The following TTC39B variants were observed in gnomAD, a reference collection of about 807,000 sequenced individuals.
TTC39B encodes tetratricopeptide repeat domain 39B.
In TTC39B, 92 loss-of-function variants were observed where a neutral mutation model predicts 96.6. That is an observed-to-expected ratio of 0.95 (90% CI 0.80 to 1.13). The LOEUF (loss-of-function observed/expected upper bound fraction) is 1.13, where lower values mean the gene tolerates loss of function less well. Among genes scored for constraint, TTC39B ranks in the 50% most tolerant of loss-of-function variants. The probability of loss-of-function intolerance (pLI) is 0.00; values close to 1 mark genes in which losing one functional copy is unlikely to be tolerated. For synonymous variants in TTC39B, 367 were observed against 299.4 expected (o/e 1.23, Z -2.33); for missense variants, 955 against 809.3 (o/e 1.18, Z -2.18).
In TTC39B at chr9:15,203,905, T is replaced by A. The variant is rs1564342735; in HGVS notation, c.692-15A>T. ...ATGCATTTCCTCTACAAAAAACAAA[T>A]AAAATTATATTAAGTAAAATCACAC... On this transcript the variant is annotated splice_polypyrimidine_tract_variant and intron_variant, in intron 6 of 19. Coordinates refer to ENST00000512701, the Ensembl canonical transcript of TTC39B. 1.2e-6 allele frequency: 2 copies of A among 1,605,736 alleles called. No homozygotes were observed. The highest frequency in any genetic ancestry group is 1.7e-6 in the Non-Finnish European group (2 of 1,175,264).
chr9:15,202,309 T>C (rs551721575), intron 7 of TTC39B, among the ~76,000 whole-genome samples: 2 of 152,328 alleles, frequency 1.3e-5, no homozygotes, highest in South Asian at 4.1e-4. Flanking sequence ...TTGTAATGTC[T>C]GGGTTTTAGG....
At chr9:15,166,654 G>A (rs1019601115) in exon 20 of TTC39B, 1 of 152,038 alleles carries the variant, frequency 6.6e-6, no homozygotes, top group African/African-American at 2.4e-5. Context: ...AACAGCAAAT[G>A]TGTAAAAGAC....
At chr9:15,188,229 A>G (rs541312384) in intron 13 of TTC39B, 97 bp from the exon 14 acceptor site, 298 of 1,253,374 alleles carry the variant, frequency 2.4e-4, no homozygotes, top group Non-Finnish European at 3.0e-4. Flanking sequence ...CAAAAAGGAC[A>G]AAATTATCAC....
chr9:15,254,472 C>T (rs1822675516), intron 2 of TTC39B, among the ~76,000 whole-genome samples: 1 of 152,036 alleles, frequency 6.6e-6, no homozygotes, highest in Non-Finnish European at 1.5e-5. Flanking sequence ...TTGCTTTACG[C>T]TTTGCAGTTT....
intron 1 of TTC39B, among the ~76,000 whole-genome samples, chr9:15,282,538 G>A (rs927460011): frequency 5.3e-5 from 8 of 152,150 alleles, no homozygotes; most frequent in Non-Finnish European, 1.2e-4. Context: ...GTCTTTAAAA[G>A]AATTTGGGAA....
chr9:15,193,776 G>A lies in TTC39B; in HGVS notation c.825-1081C>T, dbSNP rs1818994375. The stretch of plus-strand genomic sequence containing the variant: ...ATGATATCATTTCTAAGGTATTTTT[G>A]CCATAGAGTCATAATCTGAATTTAA... On this transcript the variant is annotated intron_variant, in intron 8 of 19. Coordinates refer to ENST00000512701, the Ensembl canonical transcript of TTC39B. 5.9e-5 allele frequency among the ~76,000 whole-genome samples: 9 copies of A among 152,262 alleles called. No individual in the cohort carries two copies. The South Asian group carries it at 1.9e-3, about 32-fold the overall frequency.
intron 3 of TTC39B, among the ~76,000 whole-genome samples, chr9:15,215,902 T>C (rs1820489572): frequency 1.3e-5 from 2 of 152,272 alleles, no homozygotes; most frequent in South Asian, 4.1e-4. Context: ...GAAATAAAAA[T>C]AAATAAACTT....
At chr9:15,288,156 A>G (rs1450550168) in intron 1 of TTC39B, among the ~76,000 whole-genome samples, 1 of 152,104 alleles carries the variant, frequency 6.6e-6, no homozygotes, top group Non-Finnish European at 1.5e-5. Context: ...GTTTTCTATC[A>G]AAGTTGTGAG....
chr9:15,214,338 G>C (rs915296782), intron 3 of TTC39B, 89 bp from the exon 4 acceptor site: 6 of 816,172 alleles, frequency 7.4e-6, no homozygotes, highest in Non-Finnish European at 1.2e-5. Flanking sequence ...GTGTGTGTGT[G>C]TGTGTGTGTC....
At position 15,167,011 on chromosome 9, in the gene TTC39B, TATATATATATATA is replaced by T. The variant is rs1364394762; in HGVS notation, c.*4995_*5007del. 8.6e-3 allele frequency: 80 copies of T among 9,276 alleles called. 5 individuals carry two copies. The highest frequency in any genetic ancestry group is 0.022 in the Middle Eastern group (1 of 46). 0.6% of individuals were successfully genotyped at this position (9,276 alleles called of 1,614,324 possible). On this transcript the variant is annotated 3_prime_UTR_variant, in exon 20 of 20. Transcript: ENST00000512701. ...ATATATATATATATATATATATATA[TATATATATATATA>T]TATATTTTTTTTTTTTTTTTTTTTT...
chr9:15,170,051 AC>A (rs1038298409), exon 20 of TTC39B: 1 of 152,090 alleles, frequency 6.6e-6, no homozygotes, highest in Admixed American at 6.5e-5. Context: ...TTTTTGGAAA[AC>A]TTTTTTCCAA....
chr9:15,188,155 T>C (rs978537282), intron 13 of TTC39B, 23 bp from the exon 14 acceptor site: 1 of 1,569,256 alleles, frequency 6.4e-7, no homozygotes, highest in Non-Finnish European at 8.6e-7. Context: ...TACACAAAGT[T>C]GATCGTCCAG....
rs1387664027 is a variant in TTC39B, at chr9:15,166,982, T to TTTTATA, written c.*5036_*5037insTATAAA. ...TAACATGTGTCCACAAACCTTTATT[T>TTTTATA]TATATATATATATATATATATATAT... On this transcript the variant is annotated 3_prime_UTR_variant, in exon 20 of 20. Coordinates refer to ENST00000512701, the Ensembl canonical transcript of TTC39B. 1.2e-3 allele frequency: 25 copies of TTTTATA among 20,270 alleles called. 1 individual carries two copies. The highest frequency in any genetic ancestry group is 1.4e-3 in the Non-Finnish European group (16 of 11,336). The allele number at this position is 20,270 out of a possible 1,614,324, so 1.3% of individuals were successfully genotyped here.
chr9:15,172,132 T>G (rs1269300370), intron 19 of TTC39B, 23 bp from the exon 20 acceptor site: 2 of 1,584,180 alleles, frequency 1.3e-6, no homozygotes, highest in Non-Finnish European at 1.7e-6. Flanking sequence ...ACAATAAAAT[T>G]GTACAGTCAA....
At chr9:15,266,897 G>C (rs1174362857) in intron 2 of TTC39B, among the ~76,000 whole-genome samples, 1 of 152,218 alleles carries the variant, frequency 6.6e-6, no homozygotes, top group African/African-American at 2.4e-5. Flanking sequence ...GGCTAACATG[G>C]TGAAACCCCG....
At chr9:15,298,484 A>T (rs565999987) in intron 1 of TTC39B, among the ~76,000 whole-genome samples, 116 of 152,314 alleles carry the variant, frequency 7.6e-4, no homozygotes, top group Non-Finnish European at 1.4e-3. Context: ...ATGAAGGAGG[A>T]GCAAAGGCAC....
At chr9:15,283,177 C>T (rs1192827499) in intron 1 of TTC39B, among the ~76,000 whole-genome samples, 1 of 152,052 alleles carries the variant, frequency 6.6e-6, no homozygotes, top group Non-Finnish European at 1.5e-5. Context: ...TGAATGAGTA[C>T]AGGAATACAC....
intron 1 of TTC39B, among the ~76,000 whole-genome samples, chr9:15,304,845 A>G (rs1370120853): frequency 6.6e-6 from 1 of 152,184 alleles, no homozygotes; most frequent in Non-Finnish European, 1.5e-5. Flanking sequence ...TTGTACCTCC[A>G]GGCTAGTACA....
At chr9:15,284,203 T>C (rs1823872321) in intron 1 of TTC39B, among the ~76,000 whole-genome samples, 1 of 152,204 alleles carries the variant, frequency 6.6e-6, no homozygotes, top group African/African-American at 2.4e-5. Flanking sequence ...ACGTAAAAAG[T>C]CATATTATTT....
Sources: gnomAD v4.1 joint callset for allele counts (sites outside exome capture counted in the v4.1 genomes callset) on GRCh38, gnomAD v4.1.1 for gene constraint, MANE v1.5 for transcripts, NCBI Gene and HGNC (gene_info 2026-07-23, HGNC 2026-07-21) for gene names.